ZNF227: variants seen among roughly 807,000 people sequenced by gnomAD.
The protein encoded by ZNF227 is zinc finger protein 227.
A neutral mutation model predicts 13.2 loss-of-function variants in ZNF227; 12 were observed. The observed-to-expected ratio is 0.91, with a 90% CI of 0.58 to 1.47. The LOEUF (loss-of-function observed/expected upper bound fraction) is 1.47. ZNF227 is among the 40% of genes most tolerant of loss of function. The pLI is 0.00. For missense variants in ZNF227, 885 were observed against 967.5 expected, an observed-to-expected ratio of 0.91 and a Z score of 1.13; for synonymous variants, 338 against 326.0, an observed-to-expected ratio of 1.04 and a Z score of -0.40.
rs779514633 is a variant in ZNF227 at position 44,234,853 on chromosome 19, T to G, written c.423T>G (p.Gly141=). Residue 141 remains glycine (G), a synonymous_variant, in exon 6 of 6, where the codon GGT becomes GGG. Coordinates refer to ENST00000313040, the MANE Select transcript of ZNF227 (RefSeq NM_182490.3). The stretch of plus-strand genomic sequence containing the variant: ...GGAAGAGTTCCCAGTTATTACAAGG[T>G]GACTCTATTCAGGTTTCTGAAAATG... ...LQGKSSQLLQ[G]DSIQVSENEN... is the part of the protein sequence containing the mutation. 17 of 1,614,034 alleles carry G rather than the reference T, an allele frequency of 1.1e-5. No homozygotes were observed. Among genetic ancestry groups the G allele is most frequent in the Middle Eastern group, 1.6e-4 (1 of 6,062 alleles).
At chr19:44,213,874 C>G (rs1311265920) in intron 2 of ZNF227, 1 of 152,140 alleles carries the variant, frequency 6.6e-6, no homozygotes, top group African/African-American at 2.4e-5. Context: ...ATGTCATATT[C>G]TAGTTATAGA....
At position 44,234,946 on chromosome 19, in the gene ZNF227, G is replaced by T; in HGVS notation, c.516G>T (p.Trp172Cys). Residue 172 changes from tryptophan (W) to cysteine (C), a missense_variant, in exon 6 of 6, where the codon TGG becomes TGT. Transcript: ENST00000313040. Reference sequence around the variant, plus strand: ...TTGAAAATCAAGAGTTTCCATTTTGGAGAACCCAGCATTCTTGCGGGAATA... The same window carrying T: ...TTGAAAATCAAGAGTTTCCATTTTGTAGAACCCAGCATTCTTGCGGGAATA... ...IYIENQEFPF[W>C]RTQHSCGNTY... 6.2e-7 allele frequency: 1 copy of T among 1,613,752 alleles called. No individual in the cohort carries two copies. Among genetic ancestry groups the T allele is most frequent in the South Asian group, 1.1e-5 (1 of 90,912 alleles).
intron 3 of ZNF227, among the ~76,000 whole-genome samples, chr19:44,222,163 T>C (rs1437051195): frequency 1.3e-5 from 2 of 151,882 alleles, no homozygotes; most frequent in East Asian, 3.9e-4. Context: ...TTGGTTACTG[T>C]AGCCTTGTAG....
intron 5 of ZNF227, among the ~76,000 whole-genome samples, chr19:44,233,886 C>T (rs1371467214): frequency 3.3e-5 from 5 of 151,442 alleles, no homozygotes; most frequent in African/African-American, 4.9e-5. Context: ...CAGAGCGAGA[C>T]GCTGTTTTTT....
intron 3 of ZNF227, among the ~76,000 whole-genome samples, chr19:44,226,234 C>T (rs1318308311): frequency 2.0e-5 from 3 of 152,330 alleles, no homozygotes; most frequent in African/African-American, 7.2e-5. Flanking sequence ...AGGTCAAGGA[C>T]CCACTTCAGG....
intron 5 of ZNF227, 94 bp downstream of exon 5, chr19:44,229,910 A>T (rs2122878550): frequency 1.3e-6 from 1 of 786,248 alleles, no homozygotes; most frequent in Non-Finnish European, 1.8e-6. Context: ...CTGAGTGTTA[A>T]AATCTTTCAC....
intron 5 of ZNF227, among the ~76,000 whole-genome samples, chr19:44,234,233 C>A (rs1303181391): frequency 6.6e-6 from 1 of 152,156 alleles, no homozygotes; most frequent in Non-Finnish European, 1.5e-5. Flanking sequence ...ACTGCCTTCC[C>A]AAATCTGTTG....
chr19:44,216,352 T>C (rs1258302390), intron 2 of ZNF227, among the ~76,000 whole-genome samples: 1 of 152,190 alleles, frequency 6.6e-6, no homozygotes, highest in African/African-American at 2.4e-5. Context: ...ACCCTATTTC[T>C]GTCAATCTAA....
At chr19:44,222,427 C>T (rs569324534) in intron 3 of ZNF227, among the ~76,000 whole-genome samples, 5 of 151,794 alleles carry the variant, frequency 3.3e-5, no homozygotes. Context: ...TTTGTATCCT[C>T]TTTTATTTCA....
At chr19:44,214,342 G>C (rs1971618832) in intron 2 of ZNF227, among the ~76,000 whole-genome samples, 1 of 150,886 alleles carries the variant, frequency 6.6e-6, no homozygotes, top group Admixed American at 6.6e-5. Context: ...CTGTGTAGTA[G>C]TTTTTTTCTT....
chr19:44,219,193 T>C (rs1255985200), intron 3 of ZNF227, among the ~76,000 whole-genome samples: 4 of 152,184 alleles, frequency 2.6e-5, no homozygotes, highest in Non-Finnish European at 4.4e-5. Flanking sequence ...GGCCCTGATA[T>C]TACCTTTTGG....
At chr19:44,220,920 G>A (rs933333915) in intron 3 of ZNF227, among the ~76,000 whole-genome samples, 6 of 151,574 alleles carry the variant, frequency 4.0e-5, no homozygotes, top group Admixed American at 6.6e-5. Context: ...TTGGTTTTTC[G>A]TCCTTGCGAT....
At chr19:44,215,214 C>T (rs1255365293) in intron 2 of ZNF227, among the ~76,000 whole-genome samples, 2 of 150,328 alleles carry the variant, frequency 1.3e-5, no homozygotes, top group Non-Finnish European at 1.5e-5. Context: ...TCGCCCAGAC[C>T]GGAGTGCAGT....
At chr19:44,212,161 T>C (rs560012053), upstream of ZNF227, among the ~76,000 whole-genome samples, 218 of 151,858 alleles carry the variant, frequency 1.4e-3, no homozygotes, top group African/African-American at 5.0e-3. Context: ...GTGCTGGGAG[T>C]CTTTTTTTAT....
Position 44,233,601 on chromosome 19 carries a change from G to A in ZNF227, c.272-1101G>A, listed in dbSNP as rs186952789. ...CAGGGTAATTGAACTGGAAAGAGTC[G>A]AAGGTGTATGGCAGGCCGGGCGTGG... is the stretch of plus-strand genomic sequence containing the variant. On this transcript the variant is annotated intron_variant, in intron 5 of 5. Transcript: ENST00000313040. Among the ~76,000 whole-genome samples, 6 of 152,008 alleles carry A rather than the reference G, an allele frequency of 3.9e-5. No individual in the cohort carries two copies. The East Asian group carries it at 7.8e-4, about 20-fold the overall frequency.
rs1229821363 is a variant in ZNF227 at position 44,236,766 on chromosome 19, A to G, written c.2336A>G (p.Lys779Arg). Residue 779 changes from lysine (K) to arginine (R), a missense_variant, in exon 6 of 6, where the codon AAG (lysine) becomes AGG (arginine). Transcript: ENST00000313040. ...EKPYKCDICD[K>R]DFRHRSRLTY... The stretch of plus-strand genomic sequence containing the variant: ...CCATACAAATGTGACATATGTGATA[A>G]GGACTTCCGTCACCGTTCACGTCTT... 1 of 1,612,136 alleles carries G rather than the reference A, an allele frequency of 6.2e-7. No individual in the cohort carries two copies. The highest frequency in any genetic ancestry group is 8.5e-7 in the Non-Finnish European group (1 of 1,179,130).
intron 3 of ZNF227, among the ~76,000 whole-genome samples, chr19:44,226,434 G>A (rs1308128138): frequency 6.6e-6 from 1 of 152,330 alleles, no homozygotes; most frequent in Middle Eastern, 3.4e-3. Context: ...CACCCAGTTC[G>A]AGCTTCCAGG....
chr19:44,212,366 GT>G (rs778010029), upstream of ZNF227, among the ~76,000 whole-genome samples: 15 of 108,252 alleles, frequency 1.4e-4, no homozygotes, highest in South Asian at 3.1e-4. Flanking sequence ...CGCTCGCTCC[GT>G]TTTTTTTTTT....
chr19:44,223,158 T>C (rs1470808182), intron 3 of ZNF227, among the ~76,000 whole-genome samples: 1 of 152,140 alleles, frequency 6.6e-6, no homozygotes, highest in Non-Finnish European at 1.5e-5. Flanking sequence ...CTGCTGGATT[T>C]GGTTTGCCAG....
Sources: gnomAD v4.1 joint callset for allele counts (sites outside exome capture counted in the v4.1 genomes callset) on GRCh38, gnomAD v4.1.1 for gene constraint, MANE v1.5 for transcripts, NCBI Gene and HGNC (gene_info 2026-07-23, HGNC 2026-07-21) for gene names.